The following ANKFN1 variants were observed in gnomAD, a reference collection of about 807,000 sequenced individuals.
ANKFN1 encodes ankyrin repeat and fibronectin type III domain containing 1, also known as ankyrin repeat and fibronectin type-III domain-containing protein 1.
ANKFN1 carries 74 observed loss-of-function variants against 108.7 expected under a neutral mutation model. That is an observed-to-expected ratio of 0.68 (90% CI 0.56 to 0.83). ANKFN1 has a LOEUF of 0.83. Ranked by LOEUF, ANKFN1 falls within the 40% of genes least tolerant of loss-of-function variation. The pLI is 0.00. For missense variants in ANKFN1, 1,505 were observed against 1,382.3 expected, an observed-to-expected ratio of 1.09 and a Z score of -1.41; for synonymous variants, 547 against 516.2, an observed-to-expected ratio of 1.06 and a Z score of -0.81.
intron 1 of ANKFN1, among the ~76,000 whole-genome samples, chr17:56,181,889 G>A (rs143417151): frequency 4.4e-4 from 67 of 152,176 alleles, no homozygotes; most frequent in African/African-American, 1.3e-3. Context: ...TGCTAACTTC[G>A]TATCTCTGTG....
chr17:56,369,631 T>C (rs561000575), intron 6 of ANKFN1, among the ~76,000 whole-genome samples: 1 of 152,336 alleles, frequency 6.6e-6, no homozygotes, highest in East Asian at 1.9e-4. Context: ...CAGATGCTTC[T>C]ATTGATGGTT....
intron 1 of ANKFN1, among the ~76,000 whole-genome samples, chr17:56,178,155 G>T (rs1241595969): frequency 2.0e-5 from 3 of 152,114 alleles, no homozygotes; most frequent in African/African-American, 7.2e-5. Flanking sequence ...TTCTTCAGAG[G>T]GAGAGGTGCA....
intron 3 of ANKFN1, among the ~76,000 whole-genome samples, chr17:56,280,942 A>T (rs536764062): frequency 6.6e-6 from 1 of 152,146 alleles, no homozygotes; most frequent in Non-Finnish European, 1.5e-5. Context: ...AATAAGTCTC[A>T]TGAGATCTGA....
At chr17:56,491,149 T>C (rs889889966) in intron 18 of ANKFN1, among the ~76,000 whole-genome samples, 2 of 152,138 alleles carry the variant, frequency 1.3e-5, no homozygotes, top group African/African-American at 4.8e-5. Flanking sequence ...TACCTGTAAT[T>C]AGATGTTCTT....
chr17:56,414,142 A>AT (rs921174101), intron 8 of ANKFN1, among the ~76,000 whole-genome samples: 41 of 151,594 alleles, frequency 2.7e-4, no homozygotes, highest in African/African-American at 8.7e-4. Flanking sequence ...ATTGGCCTGA[A>AT]TTTTTTTTTG....
rs1052840232 is a variant in ANKFN1 at position 56,191,353 on chromosome 17, G to A, written c.-70-21245G>A. ...GCATGATTTTGCAGTGGCTGGTACC[G>A]GTTGTTCCTTTCCATGTTTAGCGCT... On this transcript the variant is annotated intron_variant, in intron 1 of 20. Transcript: ENST00000682825. 9.0e-5 allele frequency among the ~76,000 whole-genome samples: 5 copies of A among 55,410 alleles called. 2 individuals carry two copies. Among genetic ancestry groups the A allele is most frequent in the African/African-American group, 6.3e-4 (4 of 6,394 alleles). 36.4% of individuals were successfully genotyped at this position (55,410 alleles called of 152,430 possible).
intron 6 of ANKFN1, among the ~76,000 whole-genome samples, chr17:56,364,612 G>T (rs988873263): frequency 2.6e-5 from 4 of 152,222 alleles, no homozygotes; most frequent in African/African-American, 9.6e-5. Context: ...CAAGTGGCTT[G>T]CATGTTGTGC....
At chr17:56,174,335 C>G in intron 1 of ANKFN1, 1 of 985,622 alleles carries the variant, frequency 1.0e-6, no homozygotes, top group Non-Finnish European at 1.2e-6. Flanking sequence ...CACCTGGAAT[C>G]CCTACCAAGT....
intron 1 of ANKFN1, chr17:56,184,976 C>A (rs1167970521): frequency 6.6e-6 from 1 of 152,218 alleles, no homozygotes; most frequent in Non-Finnish European, 1.5e-5. Flanking sequence ...TCAACTCTTT[C>A]AAGTAAGCGA....
chr17:56,058,666 T>C (rs1230437605), intron 4 of ANKFN1, among the ~76,000 whole-genome samples: 2 of 152,184 alleles, frequency 1.3e-5, no homozygotes, highest in Non-Finnish European at 2.9e-5. Flanking sequence ...CTCACACTTA[T>C]AAGTGAAACC....
chr17:56,516,780 T>A lies in ANKFN1; in HGVS notation c.*5511T>A, dbSNP rs1209242414. Among the ~76,000 whole-genome samples the A allele has an allele frequency of 6.6e-6, 1 of 152,194 alleles. No homozygotes were observed. The highest frequency in any genetic ancestry group is 1.5e-5 in the Non-Finnish European group (1 of 68,038). ...ATTTCTTACCTGCCTAAGTGTATTT[T>A]CAAGAAAAATTGTCGACAGAAGAAA... On this transcript the variant is annotated 3_prime_UTR_variant, in exon 21 of 21. Coordinates refer to ENST00000682825, the MANE Select transcript of ANKFN1 (RefSeq NM_001370326.1).
chr17:56,315,884 AGAT>A (rs2045192756), intron 3 of ANKFN1, among the ~76,000 whole-genome samples: 1 of 152,228 alleles, frequency 6.6e-6, no homozygotes, highest in South Asian at 2.1e-4. Context: ...GGAATAATAG[AGAT>A]GAGGCTACAA....
chr17:56,373,941 G>C (rs1053839040), intron 7 of ANKFN1, among the ~76,000 whole-genome samples: 1 of 152,150 alleles, frequency 6.6e-6, no homozygotes, highest in Non-Finnish European at 1.5e-5. Context: ...GCCATCAGGA[G>C]TCCTTTAAAA....
At position 56,353,694 on chromosome 17, in the gene ANKFN1, G is replaced by A; in HGVS notation, c.391-142G>A. ...GGAAGCCTAACAGAGTGTTTACTTT[G>A]GAGACCTTGGGATAAATTGTAGTTA... On this transcript the variant is annotated intron_variant, in intron 5 of 20. Coordinates refer to ENST00000682825, the MANE Select transcript of ANKFN1 (RefSeq NM_001370326.1). The A allele has an allele frequency of 5.7e-6, 4 of 698,724 alleles. No individual in the cohort carries two copies. The South Asian group carries it at 7.0e-5, about 12-fold the overall frequency. The allele number at this position is 698,724 out of a possible 1,614,324, so 43.3% of individuals were successfully genotyped here.
chr17:56,476,576 G>A (rs1009813808), intron 15 of ANKFN1, among the ~76,000 whole-genome samples: 11 of 152,206 alleles, frequency 7.2e-5, no homozygotes, highest in Admixed American at 3.3e-4. Flanking sequence ...ACAGAATTCA[G>A]TGAAGCTGAT....
chr17:56,248,360 CT>C (rs2043163206), intron 3 of ANKFN1, among the ~76,000 whole-genome samples: 1 of 152,174 alleles, frequency 6.6e-6, no homozygotes, highest in South Asian at 2.1e-4. Context: ...CCAAATATTG[CT>C]GTTGTCTCAT....
chr17:56,145,073 T>TG (rs1908178047), intron 4 of ANKFN1, among the ~76,000 whole-genome samples: 1 of 152,244 alleles, frequency 6.6e-6, no homozygotes, highest in African/African-American at 2.4e-5. Flanking sequence ...GCTGAATCGT[T>TG]GCCTTGGCAG....
At chr17:56,298,719 A>T (rs1018428783) in intron 3 of ANKFN1, among the ~76,000 whole-genome samples, 1 of 152,238 alleles carries the variant, frequency 6.6e-6, no homozygotes, top group South Asian at 2.1e-4. Flanking sequence ...ATTTTCATCC[A>T]TTAGTAACAA....
At chr17:56,138,244 A>G (rs1202594838) in intron 4 of ANKFN1, among the ~76,000 whole-genome samples, 1 of 152,222 alleles carries the variant, frequency 6.6e-6, no homozygotes, top group Non-Finnish European at 1.5e-5. Flanking sequence ...CCTATTGGAT[A>G]TATAGCGGGG....
Sources: allele counts gnomAD v4.1 joint callset (sites outside exome capture counted in the v4.1 genomes callset), GRCh38; gene constraint gnomAD v4.1.1; transcripts MANE v1.5; gene names NCBI Gene and HGNC (gene_info 2026-07-23, HGNC 2026-07-21).